Variants in ANKS1B observed in about 807,000 individuals in gnomAD.
ANKS1B encodes the protein ankyrin repeat and sterile alpha motif domain containing 1B.
ANKS1B carries 36 observed loss-of-function variants against 148.3 expected under a neutral mutation model. That is an observed-to-expected ratio of 0.24 (90% confidence interval 0.19 to 0.32). ANKS1B has a LOEUF of 0.32. Ranked by LOEUF, ANKS1B falls within the 10% of genes least tolerant of loss-of-function variation. The probability of loss-of-function intolerance (pLI) is 1.00; values close to 1 mark genes in which losing one functional copy is unlikely to be tolerated. For missense variants in ANKS1B, 1,157 were observed against 1,542.6 expected, an observed-to-expected ratio of 0.75 and a Z score of 4.19; for synonymous variants, 542 against 560.8, an observed-to-expected ratio of 0.97 and a Z score of 0.47.
chr12:99,174,192 C>A (rs61016564), intron 14 of ANKS1B, among the ~76,000 whole-genome samples: 4,253 of 152,208 alleles, frequency 0.028, 201 homozygotes, highest in African/African-American at 0.097. Context: ...AGAAAGGAGG[C>A]CCTCAGTCCA....
chr12:99,254,396 T>C (rs1233131302), intron 12 of ANKS1B, among the ~76,000 whole-genome samples: 1 of 152,202 alleles, frequency 6.6e-6, no homozygotes, highest in Admixed American at 6.5e-5. Flanking sequence ...ATCTCATGAG[T>C]GTACAGTAGA....
At position 99,251,351 on chromosome 12, in the gene ANKS1B, T is replaced by C. The variant is rs542379801; in HGVS notation, c.1757-4487A>G. Among the ~76,000 whole-genome samples the C allele has an allele frequency of 2.0e-5, 3 of 152,354 alleles. No homozygotes were observed. The South Asian group carries it at 6.2e-4, about 32-fold the overall frequency. On this transcript the variant is annotated intron_variant, in intron 12 of 26. Transcript: ENST00000683438. ...AATAAAGATTATTTTGACATAATAA[T>C]CATGTGGGATTTACTCCTTTGTTTC...
intron 1 of ANKS1B, among the ~76,000 whole-genome samples, chr12:99,870,064 T>A (rs2091303231): frequency 6.6e-6 from 1 of 152,172 alleles, no homozygotes; most frequent in Non-Finnish European, 1.5e-5. Flanking sequence ...GAGCATAGTA[T>A]TCGATAGTTT....
intron 4 of ANKS1B, among the ~76,000 whole-genome samples, chr12:99,782,534 G>A (rs887155106): frequency 7.9e-5 from 12 of 152,172 alleles, no homozygotes; most frequent in Admixed American, 2.6e-4. Context: ...ACTCCAACCT[G>A]GGTGACAGAG....
At chr12:99,793,771 C>A (rs1437751236) in intron 4 of ANKS1B, among the ~76,000 whole-genome samples, 1 of 151,968 alleles carries the variant, frequency 6.6e-6, no homozygotes, top group Non-Finnish European at 1.5e-5. Context: ...GCAAAGATTT[C>A]TTGAGTAATA....
intron 4 of ANKS1B, among the ~76,000 whole-genome samples, chr12:99,791,019 G>A (rs2153644408): frequency 6.6e-6 from 1 of 152,116 alleles, no homozygotes; most frequent in Non-Finnish European, 1.5e-5. Flanking sequence ...ATGATCTGAT[G>A]CCTACAGGAA....
At chr12:99,615,200 C>T (rs55870262) in intron 9 of ANKS1B, among the ~76,000 whole-genome samples, 1 of 139,230 alleles carries the variant, frequency 7.2e-6, no homozygotes, top group East Asian at 2.0e-4. Flanking sequence ...GACAGACAGA[C>T]AGACAGATAC....
At chr12:99,407,584 A>G (rs2094562148) in intron 11 of ANKS1B, among the ~76,000 whole-genome samples, 1 of 145,766 alleles carries the variant, frequency 6.9e-6, no homozygotes, top group African/African-American at 2.6e-5. Flanking sequence ...TAGCCTTTCA[A>G]AATCTTACAT....
intron 8 of ANKS1B, among the ~76,000 whole-genome samples, chr12:99,689,895 G>A (rs1289125297): frequency 2.6e-5 from 4 of 152,194 alleles, no homozygotes; most frequent in Admixed American, 2.6e-4. Flanking sequence ...AGCCTTGTGA[G>A]ACCATGTACA....
intron 1 of ANKS1B, among the ~76,000 whole-genome samples, chr12:99,971,530 C>T (rs552525219): frequency 1.0e-4 from 15 of 150,242 alleles, no homozygotes; most frequent in Non-Finnish European, 1.3e-4. Flanking sequence ...TTGTGTAATA[C>T]ATAAAACATT....
chr12:99,201,295 G>A (rs1457925063), intron 14 of ANKS1B, among the ~76,000 whole-genome samples: 3 of 151,726 alleles, frequency 2.0e-5, no homozygotes, highest in Non-Finnish European at 4.4e-5. Context: ...GTGACAGACT[G>A]TCTTTGAAAA....
intron 10 of ANKS1B, among the ~76,000 whole-genome samples, chr12:99,487,854 AT>A (rs2096513524): frequency 6.6e-6 from 1 of 152,244 alleles, no homozygotes; most frequent in East Asian, 1.9e-4. Context: ...TATTAATTCT[AT>A]TATTCAATAG....
chr12:99,177,859 T>G (rs1004769517), intron 14 of ANKS1B, among the ~76,000 whole-genome samples: 2 of 152,234 alleles, frequency 1.3e-5, no homozygotes, highest in African/African-American at 4.8e-5. Context: ...TACCACAATC[T>G]TTACAAGTCT....
At chr12:99,936,603 C>T (rs1476689844) in intron 1 of ANKS1B, among the ~76,000 whole-genome samples, 1 of 152,192 alleles carries the variant, frequency 6.6e-6, no homozygotes, top group East Asian at 1.9e-4. Flanking sequence ...GGAATATCTA[C>T]TTCTCCCTTC....
At chr12:99,483,910 C>T (rs766494879) in intron 10 of ANKS1B, among the ~76,000 whole-genome samples, 16 of 151,910 alleles carry the variant, frequency 1.1e-4, no homozygotes, top group Non-Finnish European at 2.2e-4. Flanking sequence ...GTTAATCTAG[C>T]TAATGATCTA....
At chr12:99,576,752 T>C (rs1597394943) in intron 9 of ANKS1B, among the ~76,000 whole-genome samples, 1 of 152,154 alleles carries the variant, frequency 6.6e-6, no homozygotes, top group East Asian at 1.9e-4. Flanking sequence ...GAGGACAGGT[T>C]TTTCTTTTTT....
At chr12:99,959,172 T>C (rs2095369292) in intron 1 of ANKS1B, among the ~76,000 whole-genome samples, 1 of 150,110 alleles carries the variant, frequency 6.7e-6, no homozygotes. Flanking sequence ...GCGATTCTCA[T>C]GCCTCAGCCT....
chr12:99,548,212 T>C lies in ANKS1B; in HGVS notation c.1273-43571A>G, dbSNP rs1486299783. Among the ~76,000 whole-genome samples the C allele has an allele frequency of 7.2e-5, 11 of 152,276 alleles. No individual in the cohort carries two copies. In the East Asian group the frequency reaches 1.9e-3, roughly 27 times the overall value. ...TATCATCAGAATTCATTCCACTGAC[T>C]CCACTAAATGACTTCCAGAAATTTT... On this transcript the variant is annotated intron_variant, in intron 9 of 26. Coordinates refer to ENST00000683438, the MANE Select transcript of ANKS1B (RefSeq NM_001352186.2).
intron 8 of ANKS1B, among the ~76,000 whole-genome samples, chr12:99,656,753 T>TAA (rs34867073): frequency 1.1e-4 from 17 of 151,080 alleles, no homozygotes; most frequent in Admixed American, 4.0e-4. Flanking sequence ...AGACTCAATT[T>TAA]AAAAAAAAAG....
Sources: allele counts gnomAD v4.1 joint callset (sites outside exome capture counted in the v4.1 genomes callset), GRCh38; gene constraint gnomAD v4.1.1; transcripts MANE v1.5; gene names NCBI Gene and HGNC (gene_info 2026-07-23, HGNC 2026-07-21).